The following ISG20 variants were observed in gnomAD, a reference collection of about 807,000 sequenced individuals.
ISG20 encodes interferon stimulated exonuclease gene 20, also known as interferon-stimulated gene 20 kDa protein.
A neutral mutation model predicts 11.1 loss-of-function variants in ISG20; 8 were observed. The observed-to-expected ratio is 0.72, with a 90% CI of 0.42 to 1.30. ISG20 has a LOEUF of 1.30. ISG20 is among the 50% of genes most tolerant of loss of function. The pLI, the probability that ISG20 is intolerant of heterozygous loss-of-function variation, is 0.01. For missense variants in ISG20, 243 were observed against 250.2 expected (o/e 0.97, Z 0.19); for synonymous variants, 110 against 101.7 (o/e 1.08, Z -0.49).
At position 88,650,448 on chromosome 15, in the gene ISG20, A is replaced by AC; in HGVS notation, c.229-1661dup. 4 of 1,465,644 alleles carry AC rather than the reference A, an allele frequency of 2.7e-6. No individual in the cohort carries two copies. The South Asian group carries it at 5.5e-5, about 20-fold the overall frequency. The allele number at this position is 1,465,644 out of a possible 1,614,324, so 90.8% of individuals were successfully genotyped here. A position where few individuals can be genotyped will look rare whatever the true frequency, so the allele number is the denominator to read the frequency against. On this transcript the variant is annotated intron_variant, in intron 2 of 3. Coordinates refer to ENST00000306072, the MANE Select transcript of ISG20 (RefSeq NM_002201.6). The surrounding 1 kb of genome is among the most constrained non-coding windows in gnomAD (Gnocchi z 4.0). ...GGCAGGCGGGCTCTGGATTCATCCC[A>AC]CTGGCTTCAAGGCCTGGCTTTGCCA...
intron 2 of ISG20, chr15:88,649,959 A>G (rs1051611760): frequency 6.5e-6 from 3 of 460,590 alleles, no homozygotes; most frequent in South Asian, 2.2e-5. Flanking sequence ...GGCAAGTCAC[A>G]TCTCCTCTCT....
chr15:88,648,716 C>T (rs937256891), intron 2 of ISG20: 2 of 152,230 alleles, frequency 1.3e-5, no homozygotes, highest in Admixed American at 6.5e-5. Context: ...CCCTTAATCT[C>T]TCTGATCTCG....
At chr15:88,645,600 C>G (rs1017180461) in intron 2 of ISG20, among the ~76,000 whole-genome samples, 1 of 152,106 alleles carries the variant, frequency 6.6e-6, no homozygotes, top group Non-Finnish European at 1.5e-5. Context: ...TCAGGCTCTC[C>G]AAACCCCTAT....
rs751442335 is a variant in ISG20 at position 88,650,635 on chromosome 15, T to C, written c.229-1475T>C. 7 of 386,638 alleles carry C rather than the reference T, an allele frequency of 1.8e-5. No individual in the cohort carries two copies. The highest frequency in any genetic ancestry group is 2.8e-5 in the Non-Finnish European group (6 of 216,088). The allele number at this position is 386,638 out of a possible 1,614,324, so 24.0% of individuals were successfully genotyped here. A position where few individuals can be genotyped will look rare whatever the true frequency, so the allele number is the denominator to read the frequency against. On this transcript the variant is annotated intron_variant, in intron 2 of 3. Coordinates refer to ENST00000306072, the MANE Select transcript of ISG20 (RefSeq NM_002201.6). This position sits in a 1 kb window ranked among gnomAD's most constrained non-coding sequence, Gnocchi z 4.0. ...CCGTCAGTTAAGGCACCTTGAAGGC[T>C]GGGGGCTGGAACCATTGGAAGGTTT...
At chr15:88,651,660 A>G in intron 2 of ISG20, 1 of 464,078 alleles carries the variant, frequency 2.2e-6, no homozygotes, top group Non-Finnish European at 2.9e-6. Context: ...CTGATTAGCA[A>G]TCTAAGTTCT....
intron 3 of ISG20, among the ~76,000 whole-genome samples, chr15:88,654,166 G>A (rs553109202): frequency 6.6e-6 from 1 of 152,248 alleles, no homozygotes; most frequent in South Asian, 2.1e-4. Flanking sequence ...TTCTGCTTCT[G>A]TTCTTGGCTT....
intron 2 of ISG20, chr15:88,647,871 G>A (rs10852108): frequency 0.76 from 115,052 of 152,126 alleles, 43,971 homozygotes; most frequent in Middle Eastern, 0.84. Context: ...ACAGGGAGAG[G>A]TTTCAGCTGT....
In ISG20 at chr15:88,639,517, G is replaced by A. The variant is rs761008250; in HGVS notation, c.151G>A (p.Asp51Asn). 9 of 1,614,172 alleles carry A rather than the reference G, an allele frequency of 5.6e-6. No individual in the cohort carries two copies. Among genetic ancestry groups the A allele is most frequent in the South Asian group, 3.3e-5 (3 of 91,088 alleles). The change falls in exon 2 of 4, where the codon GAT becomes AAT. Residue 51 changes from aspartate to asparagine, a missense_variant. Physicochemically the swap from Asp to Asn is conservative, Grantham distance 23 (BLOSUM62 1). Transcript: ENST00000306072. The surrounding 1 kb of genome is among the most constrained non-coding windows in gnomAD (Gnocchi z 4.2). ...KFIRPEGEIT[D>N]YRTRVSGVTP... ...CATCCGGCCTGAGGGAGAGATCACC[G>A]ATTACAGAACCCGGGTCAGCGGGGT...
intron 2 of ISG20, among the ~76,000 whole-genome samples, chr15:88,640,123 C>G (rs2058055378): frequency 6.6e-6 from 1 of 152,210 alleles, no homozygotes; most frequent in African/African-American, 2.4e-5. Context: ...TTGCTCTTAG[C>G]TGATTGTGAG....
chr15:88,651,134 A>G (rs1230371926), intron 2 of ISG20: 3 of 912,104 alleles, frequency 3.3e-6, no homozygotes, highest in Non-Finnish European at 3.9e-6. Context: ...CCCATATGCA[A>G]TGGGAGGGGA....
chr15:88,652,327 C>A lies in ISG20; in HGVS notation c.429+17C>A. On this transcript the variant is annotated intron_variant, in intron 3 of 3. Coordinates refer to ENST00000306072, the MANE Select transcript of ISG20 (RefSeq NM_002201.6). ...AGCATCCAGGTGAGAACCTCCTCGT[C>A]CTTCTCCTCCTCCCCCCTCCTCCCC... 6.3e-7 allele frequency: 1 copy of A among 1,585,526 alleles called. No individual in the cohort carries two copies. The highest frequency in any genetic ancestry group is 1.1e-5 in the South Asian group (1 of 89,860).
chr15:88,651,921 C>G (rs1207227058), intron 2 of ISG20, 189 bp from the exon 3 acceptor site: 2 of 1,421,074 alleles, frequency 1.4e-6, no homozygotes, highest in Non-Finnish European at 1.8e-6. Context: ...CAGAATGAAA[C>G]TATCAGGTGT....
rs1256971473 is a variant in ISG20, at chr15:88,647,168, G to C, written c.229-4942G>C. On this transcript the variant is annotated intron_variant, in intron 2 of 3. Coordinates refer to ENST00000306072, the MANE Select transcript of ISG20 (RefSeq NM_002201.6). The stretch of plus-strand genomic sequence containing the variant: ...GCAGCCAGCAATCAAGTAGCCCATG[G>C]TGGCCAGGAGGCTCCGGGGAGTCCC... 2.0e-5 allele frequency: 3 copies of C among 152,240 alleles called. No individual in the cohort carries two copies. In the East Asian group the frequency reaches 5.8e-4, roughly 29 times the overall value. 9.4% of individuals were successfully genotyped at this position (152,240 alleles called of 1,614,324 possible). A position where few individuals can be genotyped will look rare whatever the true frequency, so the allele number is the denominator to read the frequency against.
chr15:88,639,649 C>T lies in ISG20; in HGVS notation c.228+55C>T. 2.2e-6 allele frequency: 3 copies of T among 1,393,258 alleles called. No individual in the cohort carries two copies. The highest frequency in any genetic ancestry group is 3.0e-6 in the Non-Finnish European group (3 of 988,584). 86.3% of individuals were successfully genotyped at this position (1,393,258 alleles called of 1,614,324 possible). A position where few individuals can be genotyped will look rare whatever the true frequency, so the allele number is the denominator to read the frequency against. ...TGGAAATAACCCCTCTCCCACTTCC[C>T]TGGCCCCTCTTCCCTGGTGCCCATC... is the stretch of plus-strand genomic sequence containing the variant. On this transcript the variant is annotated intron_variant, in intron 2 of 3. Transcript: ENST00000306072. The surrounding 1 kb of genome is among the most constrained non-coding windows in gnomAD (Gnocchi z 4.2).
chr15:88,655,554 A>AG lies in ISG20; in HGVS notation c.*26dup, dbSNP rs1367811572. ...TGAAGCCCCATCCAGCCCGTTCCGCAGGGACTAGAGGCTTTCGGCTTTTTG... is the reference window on the plus strand; with the variant it reads ...TGAAGCCCCATCCAGCCCGTTCCGCAGGGGACTAGAGGCTTTCGGCTTTTTG... On this transcript the variant is annotated 3_prime_UTR_variant, in exon 4 of 4. Transcript: ENST00000306072. The AG allele has an allele frequency of 1.3e-6, 2 of 1,555,308 alleles. No homozygotes were observed. Among genetic ancestry groups the AG allele is most frequent in the Non-Finnish European group, 1.7e-6 (2 of 1,144,402 alleles).
chr15:88,645,589 G>C (rs2058158536), intron 2 of ISG20, among the ~76,000 whole-genome samples: 1 of 152,090 alleles, frequency 6.6e-6, no homozygotes, highest in African/African-American at 2.4e-5. Flanking sequence ...GCACCTAGCA[G>C]TCAGGCTCTC....
In ISG20 at chr15:88,652,240, C is replaced by T. The variant is rs1567122966; in HGVS notation, c.359C>T (p.Ala120Val). 1.9e-6 allele frequency: 3 copies of T among 1,614,024 alleles called. No homozygotes were observed. The highest frequency in any genetic ancestry group is 2.5e-6 in the Non-Finnish European group (3 of 1,179,966). Residue 120 changes from alanine to valine, a missense_variant, in exon 3 of 4, where the codon GCC becomes GTC. By Grantham distance (64) the Ala-to-Val change is moderately conservative (BLOSUM62 0). Transcript: ENST00000306072. ...ACTGACAGGCTGTTGTGGCGTGAGG[C>T]CAAGCTGGACCACTGCAGGCGTGTC... ...TSTDRLLWRE[A>V]KLDHCRRVSL...
At chr15:88,646,230 G>A (rs947903727) in intron 2 of ISG20, among the ~76,000 whole-genome samples, 1 of 152,190 alleles carries the variant, frequency 6.6e-6, no homozygotes, top group African/African-American at 2.4e-5. Context: ...TAGTACAGGT[G>A]TATCCAGCCC....
In ISG20 at chr15:88,650,340, C is replaced by T. The variant is rs558899233; in HGVS notation, c.229-1770C>T. 113 of 1,535,242 alleles carry T rather than the reference C, an allele frequency of 7.4e-5. No homozygotes were observed. In the African/African-American group the frequency reaches 9.4e-4, roughly 13 times the overall value. ...CATGTGGGAGGCGAGGCGAGGAACG[C>T]GGGGCTGGGGCAGTCACAGCTGGGC... is the stretch of plus-strand genomic sequence containing the variant. On this transcript the variant is annotated intron_variant, in intron 2 of 3. Coordinates refer to ENST00000306072, the MANE Select transcript of ISG20 (RefSeq NM_002201.6). The surrounding 1 kb of genome is among the most constrained non-coding windows in gnomAD (Gnocchi z 4.0).
Sources: allele counts gnomAD v4.1 joint callset (sites outside exome capture counted in the v4.1 genomes callset), GRCh38; gene constraint gnomAD v4.1.1; non-coding constraint Gnocchi (gnomAD v3.1); transcripts MANE v1.5; gene names NCBI Gene and HGNC (gene_info 2026-07-23, HGNC 2026-07-21).